Variants in ZAN observed in about 807,000 individuals in gnomAD.
The protein encoded by ZAN is zonadhesin.
A neutral mutation model predicts 286.2 loss-of-function variants in ZAN; 260 were observed. The ratio of observed to expected loss-of-function variants is 0.91; its 90% CI spans 0.82 to 1.01. The LOEUF (loss-of-function observed/expected upper bound fraction) is 1.01. ZAN is among the 50% of genes least tolerant of loss of function. The pLI, the probability that ZAN is intolerant of heterozygous loss-of-function variation, is 0.00. For missense variants in ZAN, 3,410 were observed against 3,639.2 expected (o/e 0.94, Z 1.62); for synonymous variants, 1,368 against 1,417.5 (o/e 0.97, Z 0.79).
chr7:100,738,071 C>T (rs1807440265), intron 6 of ZAN, among the ~76,000 whole-genome samples: 7 of 140,386 alleles, frequency 5.0e-5, no homozygotes, highest in Admixed American at 5.0e-4. Context: ...ATTCTCCTGC[C>T]TCAGTCTCCC....
chr7:100,784,856 G>A (rs1465646881), intron 36 of ZAN, 22 bp downstream of exon 36: 3 of 1,562,394 alleles, frequency 1.9e-6, no homozygotes, highest in Non-Finnish European at 2.6e-6. Context: ...TGGGAAATGG[G>A]ACTGGAGGCA....
chr7:100,775,139 A>G (rs560232640), intron 31 of ZAN, among the ~76,000 whole-genome samples, 189 bp from the exon 32 acceptor site: 1 of 152,208 alleles, frequency 6.6e-6, no homozygotes, highest in South Asian at 2.1e-4. Flanking sequence ...CATGTTGGTC[A>G]GGCTGGTATC....
At chr7:100,764,236 G>A in intron 22 of ZAN, 40 bp downstream of exon 22, 2 of 1,472,146 alleles carry the variant, frequency 1.4e-6, no homozygotes. Context: ...CGGGCACGGT[G>A]GCTCACACCT....
chr7:100,776,363 G>A, intron 33 of ZAN, 77 bp from the exon 34 acceptor site: 2 of 1,495,316 alleles, frequency 1.3e-6, no homozygotes, highest in Non-Finnish European at 1.8e-6. Context: ...CTCTCGTGAG[G>A]GAAGGAAAGA....
chr7:100,789,817 C>T (rs749122342), intron 39 of ZAN, among the ~76,000 whole-genome samples: 4 of 151,856 alleles, frequency 2.6e-5, no homozygotes, highest in Non-Finnish European at 4.4e-5. Flanking sequence ...TGGTGGTGGG[C>T]GCCTGTAATC....
At position 100,734,914 on chromosome 7, in the gene ZAN, G is replaced by A. The variant is rs552359164; in HGVS notation, c.53+693G>A. ...AAATGACGGATGACAGGCCAAGCGCGGCGGCTCACCCCTGTAATCCCAGCA... is the reference window on the plus strand; with the variant it reads ...AAATGACGGATGACAGGCCAAGCGCAGCGGCTCACCCCTGTAATCCCAGCA... On this transcript the variant is annotated intron_variant, in intron 2 of 47. Coordinates refer to ENST00000613979, the MANE Select transcript of ZAN (RefSeq NM_003386.3). Among the ~76,000 whole-genome samples the A allele has an allele frequency of 6.4e-5, 9 of 140,992 alleles. No individual in the cohort carries two copies. The East Asian group carries it at 1.0e-3, about 16-fold the overall frequency. The allele number at this position is 140,992 out of a possible 152,430, so 92.5% of individuals were successfully genotyped here.
In ZAN at chr7:100,733,972, C is replaced by A. The variant is rs1807124249; in HGVS notation, c.-142-55C>A. 4.9e-6 allele frequency: 2 copies of A among 411,880 alleles called. 1 individual carries two copies. Among genetic ancestry groups the A allele is most frequent in the Admixed American group, 8.4e-5 (2 of 23,808 alleles). 25.5% of individuals were successfully genotyped at this position (411,880 alleles called of 1,614,324 possible). Reference sequence around the variant, plus strand: ...CTAGTTTATTTCCCTCGATTTCAATCTACGATGCTTCTACTGGATGGTAAC... The same window carrying A: ...CTAGTTTATTTCCCTCGATTTCAATATACGATGCTTCTACTGGATGGTAAC... On this transcript the variant is annotated intron_variant, in intron 1 of 47. Transcript: ENST00000613979.
intron 12 of ZAN, 111 bp from the exon 13 acceptor site, chr7:100,751,071 G>A (rs1276755248): frequency 3.0e-6 from 4 of 1,336,418 alleles, no homozygotes; most frequent in African/African-American, 3.0e-5. Context: ...TGTTGAGGCT[G>A]GAACAAGGCG....
chr7:100,738,271 A>G (rs925041619), intron 6 of ZAN, among the ~76,000 whole-genome samples, 190 bp from the exon 7 acceptor site: 9 of 140,654 alleles, frequency 6.4e-5, no homozygotes, highest in African/African-American at 2.3e-4. Flanking sequence ...TTTAAAAATT[A>G]GCTCGGCATG....
chr7:100,760,305 G>C, intron 18 of ZAN, 86 bp from the exon 19 acceptor site: 1 of 1,542,506 alleles, frequency 6.5e-7, no homozygotes, highest in Non-Finnish European at 8.9e-7. Flanking sequence ...ATGGTGTCCT[G>C]CCTCCCAGCT....
chr7:100,763,950 C>T lies in ZAN; in HGVS notation c.4097+34C>T, dbSNP rs758138046. On this transcript the variant is annotated intron_variant, in intron 21 of 47. Transcript: ENST00000613979. This position sits in a 1 kb window ranked among gnomAD's most constrained non-coding sequence, Gnocchi z 4.6. ...GAGGGCAGGCAGGGTCGCACAGGGGCGATGCTTGGCACCTGGGCTCCTCCA... is the reference window on the plus strand; with the variant it reads ...GAGGGCAGGCAGGGTCGCACAGGGGTGATGCTTGGCACCTGGGCTCCTCCA... 46 of 1,599,000 alleles carry T rather than the reference C, an allele frequency of 2.9e-5. No homozygotes were observed. The highest frequency in any genetic ancestry group is 5.1e-5 in the Admixed American group (3 of 58,734).
chr7:100,758,376 C>A, intron 16 of ZAN, 33 bp downstream of exon 16: 1 of 1,604,962 alleles, frequency 6.2e-7, no homozygotes, highest in Non-Finnish European at 8.5e-7. Context: ...TCCCTGCCTG[C>A]CAGCCAGTTG....
In ZAN at chr7:100,738,588, T is replaced by A; in HGVS notation, c.741T>A (p.Pro247=). The change falls in exon 7 of 48, where the codon CCT becomes CCA. Residue 247 remains proline (P), a synonymous_variant. Transcript: ENST00000613979. ...CATCAGGAAAGCCAGGCGTGGGGCC[T>A]GATGGCGACTTCTCTAGCCCTGGTA... ...KGSSGKPGVG[P]DGDFSSPGSG... The A allele has an allele frequency of 6.6e-7, 1 of 1,517,830 alleles. No individual in the cohort carries two copies. Among genetic ancestry groups the A allele is most frequent in the Non-Finnish European group, 9.0e-7 (1 of 1,105,072 alleles). 94.0% of individuals were successfully genotyped at this position (1,517,830 alleles called of 1,614,324 possible). A position where few individuals can be genotyped will look rare whatever the true frequency, so the allele number is the denominator to read the frequency against.
intron 19 of ZAN, 119 bp from the exon 20 acceptor site, chr7:100,762,096 C>G: frequency 7.6e-7 from 1 of 1,320,142 alleles, no homozygotes; most frequent in Non-Finnish European, 1.1e-6. Context: ...GTCCGCACCT[C>G]TTCATCCTCC....
intron 42 of ZAN, among the ~76,000 whole-genome samples, chr7:100,792,779 C>T (rs1812074580): frequency 1.3e-5 from 2 of 152,096 alleles, no homozygotes; most frequent in Non-Finnish European, 2.9e-5. Context: ...CCAAGGTCCA[C>T]CTTCGCTCAA....
At chr7:100,754,081 C>T (rs369788072) in intron 14 of ZAN, among the ~76,000 whole-genome samples, 6 of 152,198 alleles carry the variant, frequency 3.9e-5, no homozygotes, top group African/African-American at 1.4e-4. Flanking sequence ...ACATGTGAGC[C>T]TTTGTGTTTG....
At chr7:100,777,707 T>C (rs1810913548) in intron 34 of ZAN, among the ~76,000 whole-genome samples, 1 of 152,090 alleles carries the variant, frequency 6.6e-6, no homozygotes, top group Non-Finnish European at 1.5e-5. Context: ...AGCCAGACTG[T>C]AGGGCACACC....
At chr7:100,751,291 G>A (rs751434387) in intron 13 of ZAN, 25 bp downstream of exon 13, 21 of 1,525,146 alleles carry the variant, frequency 1.4e-5, no homozygotes, top group Admixed American at 1.3e-4. Context: ...CAGGCTCCAG[G>A]AAGGGGGCGG....
intron 27 of ZAN, among the ~76,000 whole-genome samples, chr7:100,769,307 T>C (rs910212732): frequency 2.0e-5 from 3 of 151,752 alleles, no homozygotes; most frequent in Admixed American, 6.6e-5. Flanking sequence ...TTGGCCAGGC[T>C]AGTCTCAAAC....
Sources: gnomAD v4.1 joint callset for allele counts (sites outside exome capture counted in the v4.1 genomes callset) on GRCh38, gnomAD v4.1.1 for gene constraint, Gnocchi (gnomAD v3.1) non-coding constraint, MANE v1.5 for transcripts, NCBI Gene and HGNC (gene_info 2026-07-23, HGNC 2026-07-21) for gene names.